The following PTPRT variants were observed in gnomAD, a reference collection of about 807,000 sequenced individuals.
PTPRT encodes the protein receptor-type tyrosine-protein phosphatase T.
In PTPRT, 56 loss-of-function variants were observed where a neutral mutation model predicts 176.8. The observed-to-expected ratio is 0.32, with a 90% CI of 0.26 to 0.40. The LOEUF (loss-of-function observed/expected upper bound fraction) is 0.40, where lower values mean the gene tolerates loss of function less well. Ranked by LOEUF, PTPRT falls within the 10% of genes least tolerant of loss-of-function variation. The pLI is 1.00. For synonymous variants in PTPRT, 783 were observed against 739.0 expected, an observed-to-expected ratio of 1.06 and a Z score of -0.96; for missense variants, 1,540 against 1,908.2, an observed-to-expected ratio of 0.81 and a Z score of 3.60.
chr20:42,307,375 T>G (rs552622068), intron 12 of PTPRT, among the ~76,000 whole-genome samples: 1 of 152,278 alleles, frequency 6.6e-6, no homozygotes, highest in South Asian at 2.1e-4. Context: ...CCATTTCAAA[T>G]ATATAGCAGA....
intron 1 of PTPRT, among the ~76,000 whole-genome samples, chr20:43,151,723 C>G (rs146517472): frequency 0.017 from 2,652 of 152,126 alleles, 33 homozygotes; most frequent in South Asian, 0.042. Flanking sequence ...ATTAGCCAGG[C>G]ATGGTGGCAC....
At chr20:42,770,145 G>GA (rs1195366469) in intron 5 of PTPRT, among the ~76,000 whole-genome samples, 1 of 152,120 alleles carries the variant, frequency 6.6e-6, no homozygotes, top group African/African-American at 2.4e-5. Flanking sequence ...TTTTTGAGAA[G>GA]GAGTTTCAAT....
At chr20:42,090,233 T>C (rs898079986) in intron 27 of PTPRT, among the ~76,000 whole-genome samples, 3 of 142,292 alleles carry the variant, frequency 2.1e-5, no homozygotes, top group African/African-American at 7.5e-5. Flanking sequence ...GATGGATAAA[T>C]AGATGATTTT....
At chr20:42,068,581 A>T (rs868150195), downstream of PTPRT, among the ~76,000 whole-genome samples, 1 of 152,216 alleles carries the variant, frequency 6.6e-6, no homozygotes, top group Non-Finnish European at 1.5e-5. Context: ...TTTCTGAGTG[A>T]GTACAGACCA....
intron 1 of PTPRT, among the ~76,000 whole-genome samples, chr20:43,064,958 C>G (rs1987626672): frequency 6.6e-6 from 1 of 152,224 alleles, no homozygotes; most frequent in Non-Finnish European, 1.5e-5. Flanking sequence ...TTTACATTTG[C>G]CCTTTCCTCT....
chr20:42,308,801 ATTTC>A (rs1219844281), intron 12 of PTPRT, among the ~76,000 whole-genome samples: 2 of 152,168 alleles, frequency 1.3e-5, no homozygotes, highest in African/African-American at 4.8e-5. Flanking sequence ...ATGTGCAACC[ATTTC>A]TTTAACAGTG....
Position 42,423,327 on chromosome 20 carries a change from C to T in PTPRT, c.1560+24893G>A, listed in dbSNP as rs572372228. Among the ~76,000 whole-genome samples the T allele has an allele frequency of 6.6e-5, 10 of 152,156 alleles. No individual in the cohort carries two copies. In the South Asian group the frequency reaches 1.5e-3, roughly 22 times the overall value. ...CCTTGTTAGTCTCCCTGCTTATAGGCTAGGTATCAGGCCCCAGGGAATGAC... is the reference window on the plus strand; with the variant it reads ...CCTTGTTAGTCTCCCTGCTTATAGGTTAGGTATCAGGCCCCAGGGAATGAC... On this transcript the variant is annotated intron_variant, in intron 9 of 30. Transcript: ENST00000373187.
chr20:42,061,936 A>G, the PTPRT span, among the ~76,000 whole-genome samples: 4 of 152,090 alleles, frequency 2.6e-5, no homozygotes, highest in Non-Finnish European at 4.4e-5. Context: ...TTTCTGATGC[A>G]TGTTAATTTT....
the PTPRT span, among the ~76,000 whole-genome samples, chr20:42,041,555 A>C: frequency 6.6e-6 from 1 of 152,324 alleles, no homozygotes; most frequent in African/African-American, 2.4e-5. Context: ...TTTATTTCAT[A>C]AAGCACTTTT....
chr20:42,716,233 C>T (rs1279991607), intron 6 of PTPRT, among the ~76,000 whole-genome samples: 2 of 151,836 alleles, frequency 1.3e-5, no homozygotes, highest in Non-Finnish European at 2.9e-5. Flanking sequence ...AAAATAATTG[C>T]TATTTAAAAA....
intron 2 of PTPRT, 115 bp from the exon 3 acceptor site, chr20:42,791,581 C>A: frequency 8.2e-7 from 1 of 1,219,870 alleles, no homozygotes; most frequent in East Asian, 2.5e-5. Context: ...GAGATCAAGT[C>A]ACTCTAGAAG....
intron 2 of PTPRT, among the ~76,000 whole-genome samples, chr20:42,865,911 A>G (rs540759465): frequency 2.0e-5 from 3 of 152,112 alleles, no homozygotes; most frequent in African/African-American, 7.2e-5. Context: ...CCCACACCCT[A>G]GATTGTGGCA....
intron 9 of PTPRT, among the ~76,000 whole-genome samples, chr20:42,392,952 T>G (rs77561468): frequency 2.0e-5 from 3 of 151,926 alleles, no homozygotes; most frequent in Non-Finnish European, 4.4e-5. Flanking sequence ...AAGAGGAAAA[T>G]CTGATTTTTT....
At chr20:42,821,561 G>A (rs1004269715) in intron 2 of PTPRT, among the ~76,000 whole-genome samples, 19 of 152,014 alleles carry the variant, frequency 1.2e-4, no homozygotes, top group African/African-American at 4.6e-4. Context: ...TTCTGGCCAG[G>A]GTTACCAGGC....
chr20:42,359,521 G>T (rs757567144), intron 9 of PTPRT, among the ~76,000 whole-genome samples: 2 of 152,214 alleles, frequency 1.3e-5, no homozygotes, highest in Non-Finnish European at 2.9e-5. Flanking sequence ...TAACATTCAT[G>T]AAGGCAAAGA....
chr20:42,355,600 G>A (rs1303752864), intron 9 of PTPRT, among the ~76,000 whole-genome samples: 2 of 152,314 alleles, frequency 1.3e-5, no homozygotes, highest in Non-Finnish European at 1.5e-5. Context: ...GCAGAGCAGT[G>A]AGCAAATGGG....
intron 26 of PTPRT, among the ~76,000 whole-genome samples, 176 bp downstream of exon 26, chr20:42,101,948 T>C (rs1194554013): frequency 6.6e-6 from 1 of 152,164 alleles, no homozygotes; most frequent in African/African-American, 2.4e-5. Context: ...GAGCCCACCT[T>C]GTGTCTAGGT....
intron 17 of PTPRT, among the ~76,000 whole-genome samples, chr20:42,148,334 G>T (rs527767502): frequency 7.4e-5 from 11 of 149,134 alleles, no homozygotes; most frequent in Admixed American, 1.3e-4. Context: ...GCTGCGCCGT[G>T]GTATTTATAG....
At chr20:43,168,811 A>T (rs1199820828) in intron 1 of PTPRT, among the ~76,000 whole-genome samples, 1 of 152,132 alleles carries the variant, frequency 6.6e-6, no homozygotes, top group African/African-American at 2.4e-5. Flanking sequence ...CCTTCATTCA[A>T]CCTGCTCCTA....
Sources: allele counts gnomAD v4.1 joint callset (sites outside exome capture counted in the v4.1 genomes callset), GRCh38; gene constraint gnomAD v4.1.1; transcripts MANE v1.5; gene names NCBI Gene and HGNC (gene_info 2026-07-23, HGNC 2026-07-21).